PACRG: variants seen among roughly 807,000 people sequenced by gnomAD.
PACRG encodes parkin coregulated gene protein.
A neutral mutation model predicts 29.7 loss-of-function variants in PACRG; 29 were observed. That is an observed-to-expected ratio of 0.98 (90% CI 0.73 to 1.33). The LOEUF is 1.33. Among genes scored for constraint, PACRG ranks in the 40% most tolerant of loss-of-function variants. PACRG has a pLI of 0.00. For missense variants in PACRG, 279 were observed against 316.2 expected (o/e 0.88, Z 0.89); for synonymous variants, 116 against 118.7 (o/e 0.98, Z 0.15).
intron 2 of PACRG, among the ~76,000 whole-genome samples, chr6:162,984,903 T>C (rs1802750141): frequency 6.6e-6 from 1 of 151,926 alleles, no homozygotes; most frequent in African/African-American, 2.4e-5. Context: ...GGATTCTGGA[T>C]ATTCATCCTT....
At chr6:163,218,925 G>C (rs916841741) in intron 4 of PACRG, among the ~76,000 whole-genome samples, 1 of 152,234 alleles carries the variant, frequency 6.6e-6, no homozygotes, top group Non-Finnish European at 1.5e-5. Flanking sequence ...TTCGTGTCTG[G>C]AAGCCTTGGA....
At chr6:163,053,348 T>C (rs1174652616) in intron 2 of PACRG, among the ~76,000 whole-genome samples, 2 of 152,202 alleles carry the variant, frequency 1.3e-5, no homozygotes, top group Non-Finnish European at 2.9e-5. Context: ...ATTTTGGCTT[T>C]AATCTTAAAT....
chr6:163,282,132 G>T (rs2128184086), intron 4 of PACRG, among the ~76,000 whole-genome samples: 1 of 152,162 alleles, frequency 6.6e-6, no homozygotes, highest in South Asian at 2.1e-4. Context: ...GACATTTAAA[G>T]TAAGCCACCA....
At chr6:162,957,815 G>A (rs983037396) in intron 2 of PACRG, among the ~76,000 whole-genome samples, 8 of 152,022 alleles carry the variant, frequency 5.3e-5, no homozygotes, top group Non-Finnish European at 2.9e-5. Context: ...CATATATCTA[G>A]CCCCAACCCC....
intron 4 of PACRG, among the ~76,000 whole-genome samples, chr6:163,148,948 G>GA (rs1453332886): frequency 7.9e-6 from 1 of 126,044 alleles, no homozygotes; most frequent in African/African-American, 2.9e-5. Flanking sequence ...AGGGTTTTGT[G>GA]AAAAATCTAT....
chr6:162,974,976 A>C (rs1414706094), intron 2 of PACRG, among the ~76,000 whole-genome samples: 2 of 152,178 alleles, frequency 1.3e-5, no homozygotes, highest in Non-Finnish European at 2.9e-5. Context: ...CTCTCTCTAC[A>C]GTACTCAAGA....
intron 2 of PACRG, among the ~76,000 whole-genome samples, chr6:162,865,655 A>G (rs1424434968): frequency 1.3e-5 from 2 of 152,214 alleles, no homozygotes; most frequent in African/African-American, 4.8e-5. Flanking sequence ...CTTCTTGAAG[A>G]CTAAGAACTC....
intron 2 of PACRG, among the ~76,000 whole-genome samples, chr6:162,822,267 A>G (rs1487037400): frequency 6.6e-6 from 1 of 152,230 alleles, no homozygotes; most frequent in Non-Finnish European, 1.5e-5. Flanking sequence ...ACATGTTTCT[A>G]TGCAAAGCTC....
chr6:162,747,342 A>ATT (rs1781083894), intron 1 of PACRG, among the ~76,000 whole-genome samples: 2 of 71,244 alleles, frequency 2.8e-5, no homozygotes, highest in African/African-American at 1.6e-4. Context: ...ATATATATAT[A>ATT]TATATATATA....
chr6:162,845,322 G>A (rs59794686), intron 2 of PACRG, among the ~76,000 whole-genome samples: 287 of 151,638 alleles, frequency 1.9e-3, no homozygotes, highest in African/African-American at 6.4e-3. Flanking sequence ...TGTCCAAACC[G>A]TGAGCAAGAA....
chr6:162,928,015 G>T (rs1797576740), intron 2 of PACRG, among the ~76,000 whole-genome samples: 1 of 151,948 alleles, frequency 6.6e-6, no homozygotes, highest in Admixed American at 6.6e-5. Context: ...GTCTGGTTTT[G>T]GTATGAGGGT....
At chr6:163,004,733 T>TACACAC (rs1398889116) in intron 2 of PACRG, among the ~76,000 whole-genome samples, 1 of 139,378 alleles carries the variant, frequency 7.2e-6, no homozygotes, top group African/African-American at 3.1e-5. Flanking sequence ...TGTGTATATA[T>TACACAC]ATATACACAC....
At chr6:163,236,542 G>A (rs1782245415) in intron 4 of PACRG, among the ~76,000 whole-genome samples, 1 of 151,678 alleles carries the variant, frequency 6.6e-6, no homozygotes. Context: ...TTAGAACTCT[G>A]ATGGGAAATA....
chr6:162,748,097 C>T (rs568206084), intron 1 of PACRG, among the ~76,000 whole-genome samples: 9 of 152,314 alleles, frequency 5.9e-5, no homozygotes, highest in African/African-American at 1.9e-4. Flanking sequence ...ACCTCTCTAA[C>T]TCTAGTCAAT....
chr6:163,058,375 C>T (rs1369192100), intron 2 of PACRG, among the ~76,000 whole-genome samples: 1 of 152,150 alleles, frequency 6.6e-6, no homozygotes, highest in Non-Finnish European at 1.5e-5. Flanking sequence ...TCTCTGGTGG[C>T]AGTGAGACGA....
intron 2 of PACRG, among the ~76,000 whole-genome samples, chr6:162,848,489 A>G (rs1239184672): frequency 6.6e-6 from 1 of 152,238 alleles, no homozygotes; most frequent in Non-Finnish European, 1.5e-5. Context: ...GAAATCTACT[A>G]TGGGCTTAGA....
At chr6:162,927,644 G>T (rs1797542985) in intron 2 of PACRG, among the ~76,000 whole-genome samples, 1 of 152,008 alleles carries the variant, frequency 6.6e-6, no homozygotes, top group Non-Finnish European at 1.5e-5. Context: ...ACACACCAGG[G>T]TCAGAGGAGG....
chr6:163,262,431 T>G (rs1469112434), intron 4 of PACRG, among the ~76,000 whole-genome samples: 3 of 152,170 alleles, frequency 2.0e-5, no homozygotes, highest in African/African-American at 7.2e-5. Flanking sequence ...AAGAAAATCT[T>G]TGTGTAAATT....
chr6:162,916,901 T>C (rs961154056), intron 2 of PACRG, among the ~76,000 whole-genome samples: 5 of 152,108 alleles, frequency 3.3e-5, no homozygotes, highest in African/African-American at 1.2e-4. Flanking sequence ...AGATCAGCAG[T>C]GGTTAATGTG....
Sources: allele counts gnomAD v4.1 joint callset (sites outside exome capture counted in the v4.1 genomes callset), GRCh38; gene constraint gnomAD v4.1.1; transcripts MANE v1.5; gene names NCBI Gene and HGNC (gene_info 2026-07-23, HGNC 2026-07-21).